DYM: variants seen among roughly 807,000 people sequenced by gnomAD.
The protein encoded by DYM is dyggve-Melchior-Clausen syndrome protein.
DYM carries 78 observed loss-of-function variants against 93.1 expected under a neutral mutation model. The observed-to-expected ratio is 0.84, with a 90% CI of 0.70 to 1.01. The LOEUF (loss-of-function observed/expected upper bound fraction) is 1.01, where lower values mean the gene tolerates loss of function less well. DYM is among the 50% of genes least tolerant of loss of function. The pLI is 0.00. For synonymous variants in DYM, 321 were observed against 319.7 expected (o/e 1.00, Z -0.04); for missense variants, 789 against 845.0 (o/e 0.93, Z 0.82).
intron 17 of DYM, among the ~76,000 whole-genome samples, chr18:49,044,800 A>G (rs2144086457): frequency 6.6e-6 from 1 of 152,310 alleles, no homozygotes; most frequent in Middle Eastern, 3.4e-3. Context: ...CTTTGCGGAG[A>G]GGGAGCCCGA....
At chr18:49,344,004 A>G (rs1482077829) in intron 6 of DYM, among the ~76,000 whole-genome samples, 1 of 152,138 alleles carries the variant, frequency 6.6e-6, no homozygotes, top group East Asian at 1.9e-4. Flanking sequence ...CAGAACTAGT[A>G]GTAACAACAA....
In DYM at chr18:49,245,974, T is replaced by G. The variant is rs1487684080; in HGVS notation, c.1460+11036A>C. ...AAATATTGGGGGCTGGTTCCCCCGA[T>G]AGGTGACTGCTATTCAGCAGATGCC... On this transcript the variant is annotated intron_variant, in intron 13 of 17. Coordinates refer to ENST00000675505, the MANE Select transcript of DYM (RefSeq NM_001353214.3). Among the ~76,000 whole-genome samples the G allele has an allele frequency of 2.0e-5, 3 of 152,234 alleles. No homozygotes were observed. The East Asian group carries it at 5.8e-4, about 29-fold the overall frequency.
chr18:49,111,358 T>C (rs1241679819), intron 16 of DYM, among the ~76,000 whole-genome samples: 1 of 152,222 alleles, frequency 6.6e-6, no homozygotes, highest in Non-Finnish European at 1.5e-5. Flanking sequence ...GCCTGACAGT[T>C]CCAACATCTG....
intron 13 of DYM, among the ~76,000 whole-genome samples, chr18:49,212,506 T>A (rs867311944): frequency 2.8e-4 from 41 of 147,050 alleles, no homozygotes; most frequent in Middle Eastern, 3.5e-3. Flanking sequence ...GTAAAACTAA[T>A]TTTTTTTTTT....
At chr18:49,166,624 A>T (rs954937311) in intron 14 of DYM, among the ~76,000 whole-genome samples, 4 of 152,136 alleles carry the variant, frequency 2.6e-5, no homozygotes, top group Admixed American at 6.5e-5. Flanking sequence ...AGGTAAAAAA[A>T]TTGGGATTGT....
intron 6 of DYM, among the ~76,000 whole-genome samples, chr18:49,349,122 C>T (rs1274675556): frequency 3.3e-5 from 5 of 152,030 alleles, no homozygotes; most frequent in Admixed American, 2.6e-4. Flanking sequence ...GCATGAGAAT[C>T]GCTTGAACCT....
At chr18:49,401,687 T>C (rs186175189) in intron 2 of DYM, among the ~76,000 whole-genome samples, 7 of 152,080 alleles carry the variant, frequency 4.6e-5, no homozygotes, top group Admixed American at 1.3e-4. Flanking sequence ...AGAAACTTCA[T>C]TGGGCTACCC....
rs2082128359 is a variant in DYM, at chr18:49,118,731, C to T, written c.1911+13G>A. 1.2e-6 allele frequency: 2 copies of T among 1,608,410 alleles called. No homozygotes were observed. The highest frequency in any genetic ancestry group is 8.5e-7 in the Non-Finnish European group (1 of 1,174,924). ...AAAAAAGAATCATAATAAATGTCTT[C>T]ATTTACACTCACCAGATCAATATTT... On this transcript the variant is annotated intron_variant, in intron 16 of 17. Coordinates refer to ENST00000675505, the MANE Select transcript of DYM (RefSeq NM_001353214.3).
At chr18:49,213,591 C>T (rs1188677221) in intron 13 of DYM, among the ~76,000 whole-genome samples, 15 of 152,202 alleles carry the variant, frequency 9.9e-5, no homozygotes, top group Non-Finnish European at 2.1e-4. Flanking sequence ...GATGGGATTA[C>T]AGGCACGAGC....
At chr18:49,197,747 G>A (rs1568583434) in intron 14 of DYM, among the ~76,000 whole-genome samples, 3 of 152,194 alleles carry the variant, frequency 2.0e-5, no homozygotes, top group East Asian at 1.9e-4. Context: ...AAACAAATGG[G>A]AGAATATTCC....
At chr18:49,145,665 C>T (rs886664389) in intron 15 of DYM, among the ~76,000 whole-genome samples, 1 of 152,108 alleles carries the variant, frequency 6.6e-6, no homozygotes, top group African/African-American at 2.4e-5. Flanking sequence ...GCATATAGAG[C>T]TTCATATGGA....
intron 2 of DYM, among the ~76,000 whole-genome samples, chr18:49,421,599 C>G (rs1001344298): frequency 6.6e-6 from 1 of 152,208 alleles, no homozygotes; most frequent in African/African-American, 2.4e-5. Context: ...CTCTTCTCCT[C>G]CAAAGGAACG....
At position 49,050,543 on chromosome 18, in the gene DYM, A is replaced by G. The variant is rs991616333; in HGVS notation, c.2026-6339T>C. Among the ~76,000 whole-genome samples, 6 of 152,122 alleles carry G rather than the reference A, an allele frequency of 3.9e-5. No individual in the cohort carries two copies. The South Asian group carries it at 1.2e-3, about 32-fold the overall frequency. ...CCTGTAAGATCGTGCAGCACGTTCA[A>G]CAACATCCAGCATGGCAGCTAACTC... On this transcript the variant is annotated intron_variant, in intron 17 of 17. Coordinates refer to ENST00000675505, the MANE Select transcript of DYM (RefSeq NM_001353214.3).
chr18:49,081,679 T>C (rs2078053369), intron 17 of DYM, among the ~76,000 whole-genome samples: 1 of 152,224 alleles, frequency 6.6e-6, no homozygotes, highest in South Asian at 2.1e-4. Flanking sequence ...GTTCAAGGTT[T>C]AGTCAAAGAT....
chr18:49,374,952 T>C (rs934133422), intron 5 of DYM, among the ~76,000 whole-genome samples: 3 of 113,296 alleles, frequency 2.6e-5, no homozygotes, highest in Admixed American at 2.0e-4. Flanking sequence ...AAAGTGAAAC[T>C]GTCTCAAAAA....
chr18:49,399,934 C>CTTT (rs1201370040), intron 2 of DYM, among the ~76,000 whole-genome samples: 1,340 of 66,132 alleles, frequency 0.02, 13 homozygotes, highest in Non-Finnish European at 0.028. Context: ...TTTTATTTTT[C>CTTT]TTTTTTTTTT....
chr18:49,215,197 A>C (rs2092974279), intron 13 of DYM, among the ~76,000 whole-genome samples: 1 of 152,244 alleles, frequency 6.6e-6, no homozygotes, highest in African/African-American at 2.4e-5. Flanking sequence ...ACAGTCTTTA[A>C]ATAGATGAGG....
intron 17 of DYM, among the ~76,000 whole-genome samples, chr18:49,082,892 T>TTTC (rs1429087221): frequency 6.6e-6 from 1 of 152,248 alleles, no homozygotes; most frequent in Non-Finnish European, 1.5e-5. Flanking sequence ...GAATTTAGTC[T>TTTC]TTCATCATTA....
intron 16 of DYM, among the ~76,000 whole-genome samples, chr18:49,104,708 T>G (rs2080585584): frequency 1.3e-5 from 2 of 152,224 alleles, no homozygotes; most frequent in Admixed American, 6.5e-5. Context: ...TATGCTGGAT[T>G]ATGTTTATTG....
Sources: gnomAD v4.1 joint callset for allele counts (sites outside exome capture counted in the v4.1 genomes callset) on GRCh38, gnomAD v4.1.1 for gene constraint, MANE v1.5 for transcripts, NCBI Gene and HGNC (gene_info 2026-07-23, HGNC 2026-07-21) for gene names.